Variants in TRAF3IP2 observed in about 807,000 individuals in gnomAD.
TRAF3IP2 encodes the protein E3 ubiquitin ligase TRAF3IP2.
A neutral mutation model predicts 57.9 loss-of-function variants in TRAF3IP2; 35 were observed. The ratio of observed to expected loss-of-function variants is 0.60; its 90% confidence interval spans 0.46 to 0.80. TRAF3IP2 has a LOEUF of 0.80. Among genes scored for constraint, TRAF3IP2 ranks in the 30% least tolerant of loss-of-function variants. The probability of loss-of-function intolerance (pLI) is 0.00; values close to 1 mark genes in which losing one functional copy is unlikely to be tolerated. For synonymous variants in TRAF3IP2, 251 were observed against 268.9 expected (o/e 0.93, Z 0.65); for missense variants, 556 against 706.4 (o/e 0.79, Z 2.41).
chr6:111,594,551 A>G, intron 1 of TRAF3IP2: 1 of 449,632 alleles, frequency 2.2e-6, no homozygotes, highest in South Asian at 1.6e-5. Flanking sequence ...CTTTAAAAAA[A>G]GTGATGAGGG....
At chr6:111,561,729 C>G (rs1795450796) in intron 8 of TRAF3IP2, among the ~76,000 whole-genome samples, 1 of 152,142 alleles carries the variant, frequency 6.6e-6, no homozygotes, top group Admixed American at 6.5e-5. Flanking sequence ...TGGATATGAT[C>G]TTGTAGTCAA....
intron 2 of TRAF3IP2, among the ~76,000 whole-genome samples, chr6:111,584,916 A>T (rs961739918): frequency 6.6e-6 from 1 of 152,168 alleles, no homozygotes; most frequent in Non-Finnish European, 1.5e-5. Flanking sequence ...AAAAATCCAG[A>T]TTCCTCACCA....
intron 5 of TRAF3IP2, among the ~76,000 whole-genome samples, chr6:111,570,485 G>A (rs1795794768): frequency 6.6e-6 from 1 of 152,110 alleles, no homozygotes. Flanking sequence ...TACTCATTAA[G>A]TGTTTCATTC....
intron 1 of TRAF3IP2, among the ~76,000 whole-genome samples, chr6:111,602,921 G>A (rs77710361): frequency 6.6e-6 from 1 of 152,062 alleles, no homozygotes; most frequent in Non-Finnish European, 1.5e-5. Flanking sequence ...TGGGAGCTCC[G>A]GTCAGTCCTG....
chr6:111,567,226 G>A, intron 6 of TRAF3IP2: 1 of 1,008,792 alleles, frequency 9.9e-7, no homozygotes, highest in Admixed American at 5.6e-5. Context: ...CTCGGGGGTG[G>A]TGTGCTGTGC....
chr6:111,562,887 G>T, intron 8 of TRAF3IP2, 78 bp downstream of exon 8: 3 of 1,078,764 alleles, frequency 2.8e-6, no homozygotes, highest in South Asian at 1.4e-5. Flanking sequence ...GAATGGACAA[G>T]GTTTTCCATT....
In TRAF3IP2 at chr6:111,587,591, A is replaced by G. The variant is rs372726175; in HGVS notation, c.829+3667T>C. On this transcript the variant is annotated intron_variant, in intron 2 of 8. Coordinates refer to ENST00000368761, the MANE Select transcript of TRAF3IP2 (RefSeq NM_147686.4). ...TTAAAAATCAACAAAAGTATATGAAATTAGAAGGAAAATATACCTGTCTCC... is the reference window on the plus strand; with the variant it reads ...TTAAAAATCAACAAAAGTATATGAAGTTAGAAGGAAAATATACCTGTCTCC... Among the ~76,000 whole-genome samples the G allele has an allele frequency of 1.5e-4, 23 of 152,280 alleles. 1 individual carries two copies. The highest frequency in any genetic ancestry group is 9.2e-4 in the Admixed American group (14 of 15,290).
intron 2 of TRAF3IP2, among the ~76,000 whole-genome samples, chr6:111,587,673 A>C (rs547767521): frequency 2.0e-5 from 3 of 152,266 alleles, no homozygotes; most frequent in Non-Finnish European, 4.4e-5. Context: ...TCTAGACTTA[A>C]TATGTATATA....
At chr6:111,603,289 C>CG (rs932654857) in intron 1 of TRAF3IP2, among the ~76,000 whole-genome samples, 5 of 152,212 alleles carry the variant, frequency 3.3e-5, no homozygotes, top group African/African-American at 4.8e-5. Flanking sequence ...AGGAGAGGCC[C>CG]GGGGGGCAGC....
At chr6:111,586,783 T>G (rs367901397) in intron 2 of TRAF3IP2, among the ~76,000 whole-genome samples, 1 of 152,156 alleles carries the variant, frequency 6.6e-6, no homozygotes, top group African/African-American at 2.4e-5. Flanking sequence ...AGCCCTGACA[T>G]GAAACTAAGC....
At chr6:111,596,820 A>T (rs1484367090) in intron 1 of TRAF3IP2, among the ~76,000 whole-genome samples, 3 of 151,964 alleles carry the variant, frequency 2.0e-5, no homozygotes, top group Non-Finnish European at 2.9e-5. Context: ...ACTGGTATTG[A>T]ACTCTTTACC....
At chr6:111,570,468 C>T (rs1562422022) in intron 5 of TRAF3IP2, among the ~76,000 whole-genome samples, 2 of 152,172 alleles carry the variant, frequency 1.3e-5, no homozygotes, top group African/African-American at 2.4e-5. Context: ...TTACACTCTC[C>T]TTAAATTACT....
At position 111,580,365 on chromosome 6, in the gene TRAF3IP2, G is replaced by T. The variant is rs766872305; in HGVS notation, c.854C>A (p.Ala285Asp). The change falls in exon 3 of 9, where the codon GCC becomes GAC. Residue 285 changes from alanine to aspartate, a missense_variant. Transcript: ENST00000368761. ...VPYGHDYPRA[A>D]YQQVIQPALP... is the part of the protein sequence containing the mutation. ...AGCCGGCTGGATCACTTGCTGGTAG[G>T]CTGCTCGAGGGTAGTCATGGCCATC... is the stretch of plus-strand genomic sequence containing the variant. 7.6e-6 allele frequency: 12 copies of T among 1,572,136 alleles called. No individual in the cohort carries two copies. In the South Asian group the frequency reaches 1.2e-4, roughly 16 times the overall value.
intron 8 of TRAF3IP2, among the ~76,000 whole-genome samples, chr6:111,561,830 C>G (rs1795455959): frequency 6.6e-6 from 1 of 152,162 alleles, no homozygotes; most frequent in Non-Finnish European, 1.5e-5. Flanking sequence ...GAGAGGATGG[C>G]TAGCACAAGG....
Position 111,591,919 on chromosome 6 carries a change from G to A in TRAF3IP2, c.168C>T (p.Ser56=). Residue 56 remains serine (S), a synonymous_variant, in exon 2 of 9, where the codon TCC becomes TCT. Coordinates refer to ENST00000368761, the MANE Select transcript of TRAF3IP2 (RefSeq NM_147686.4). The surrounding 1 kb of genome is among the most constrained non-coding windows in gnomAD (Gnocchi z 4.9). ...SLSAPTMLHN[S]SGDFSQAHST... is the part of the protein sequence containing the mutation. ...AGTGAGCTTGAGAAAAGTCTCCGGA[G>A]GAATTGTGAAGCATTGTGGGTGCAG... The A allele has an allele frequency of 6.2e-7, 1 of 1,614,258 alleles. No individual in the cohort carries two copies. Among genetic ancestry groups the A allele is most frequent in the South Asian group, 1.1e-5 (1 of 91,090 alleles).
intron 2 of TRAF3IP2, among the ~76,000 whole-genome samples, chr6:111,590,724 C>CA (rs1796485344): frequency 6.6e-6 from 1 of 151,976 alleles, no homozygotes; most frequent in South Asian, 2.1e-4. Flanking sequence ...CTCAAGTGTC[C>CA]AAAAGGATTT....
intron 7 of TRAF3IP2, 54 bp from the exon 8 acceptor site, chr6:111,563,093 A>G: frequency 7.5e-7 from 1 of 1,338,660 alleles, no homozygotes; most frequent in Non-Finnish European, 1.1e-6. Context: ...TGAGGAGTTA[A>G]TGGTACCCAT....
At chr6:111,563,072 A>C in intron 7 of TRAF3IP2, 33 bp from the exon 8 acceptor site, 2 of 1,534,744 alleles carry the variant, frequency 1.3e-6, no homozygotes, top group Non-Finnish European at 1.8e-6. Context: ...GTTTAATTTC[A>C]GGAATGAGGA....
intron 2 of TRAF3IP2, among the ~76,000 whole-genome samples, chr6:111,582,362 A>T (rs1796194024): frequency 6.6e-6 from 1 of 152,160 alleles, no homozygotes. Context: ...AGGCCTGGTC[A>T]TGACAAGTAG....
Sources: gnomAD v4.1 joint callset for allele counts (sites outside exome capture counted in the v4.1 genomes callset) on GRCh38, gnomAD v4.1.1 for gene constraint, Gnocchi (gnomAD v3.1) non-coding constraint, MANE v1.5 for transcripts, NCBI Gene and HGNC (gene_info 2026-07-23, HGNC 2026-07-21) for gene names.